DIAPH2: variants seen among roughly 807,000 people sequenced by gnomAD.
DIAPH2 encodes the protein protein diaphanous homolog 2.
DIAPH2 carries 35 observed loss-of-function variants against 92.7 expected under a neutral mutation model. The ratio of observed to expected loss-of-function variants is 0.38; its 90% CI spans 0.29 to 0.50. The LOEUF (loss-of-function observed/expected upper bound fraction) is 0.50. Ranked by LOEUF, DIAPH2 falls within the 20% of genes least tolerant of loss-of-function variation. The pLI is 0.94. For synonymous variants in DIAPH2, 301 were observed against 280.4 expected, an observed-to-expected ratio of 1.07 and a Z score of -0.73; for missense variants, 701 against 819.5, an observed-to-expected ratio of 0.86 and a Z score of 1.77.
rs187822740 is a variant in DIAPH2 at position 97,059,703 on chromosome X, G to A, written c.2051-13238G>A. 9.2e-3 allele frequency among the ~76,000 whole-genome samples: 1,026 copies of A among 112,027 alleles called. 15 individuals carry two copies. The highest frequency in any genetic ancestry group is 0.032 in the African/African-American group (973 of 30,844). On this transcript the variant is annotated intron_variant, in intron 17 of 26. Coordinates refer to ENST00000324765, the MANE Select transcript of DIAPH2 (RefSeq NM_006729.5). ...GTTGTGAAGAAAATTTTAAGACAGA[G>A]AAAATATATTTACTGTTCATTAAGT...
Position 97,110,994 on chromosome X carries a change from AC to A in DIAPH2, c.2350-3731del, listed in dbSNP as rs200831672. ...CGAGACTCCGTCTCAAAAAAAACAA[AC>A]AAAAAAAAAAAGATGCCCTATTTGA... On this transcript the variant is annotated intron_variant, in intron 20 of 26. Transcript: ENST00000324765. Among the ~76,000 whole-genome samples, 734 of 107,124 alleles carry A rather than the reference AC, an allele frequency of 6.9e-3. 4 individuals are homozygous for A. The highest frequency in any genetic ancestry group is 0.01 in the Non-Finnish European group (537 of 51,670). The allele number at this position is 107,124 out of a possible 115,157, so 93.0% of individuals were successfully genotyped here. A position where few individuals can be genotyped will look rare whatever the true frequency, so the allele number is the denominator to read the frequency against.
intron 4 of DIAPH2, among the ~76,000 whole-genome samples, chrX:96,759,105 GTGTGT>G (rs2147599524): frequency 9.0e-6 from 1 of 110,521 alleles, no homozygotes; most frequent in South Asian, 3.8e-4. Flanking sequence ...GTGATATTTT[GTGTGT>G]ATACATATGC....
intron 4 of DIAPH2, among the ~76,000 whole-genome samples, chrX:96,794,899 G>C (rs1181562439): frequency 1.8e-5 from 2 of 111,521 alleles, no homozygotes; most frequent in Non-Finnish European, 3.8e-5. Flanking sequence ...AGATTCCTTG[G>C]CTTCTGGCTG....
intron 4 of DIAPH2, 104 bp downstream of exon 4, chrX:96,758,362 C>T (rs2064245520): frequency 1.9e-6 from 1 of 524,996 alleles, no homozygotes; most frequent in Non-Finnish European, 2.9e-6. Flanking sequence ...CCTCATTGTA[C>T]TCATATAGAC....
chrX:96,918,223 G>A (rs904446830), intron 8 of DIAPH2, among the ~76,000 whole-genome samples: 1 of 110,731 alleles, frequency 9.0e-6, no homozygotes, highest in Admixed American at 9.7e-5. Flanking sequence ...TTGTATACTC[G>A]AAATTTCCTA....
intron 16 of DIAPH2, 95 bp downstream of exon 16, chrX:96,958,243 A>T: frequency 1.1e-6 from 1 of 951,300 alleles, no homozygotes; most frequent in East Asian, 3.4e-5. Context: ...ATGACTGCTG[A>T]CTCTTTCCGT....
chrX:97,045,930 T>C (rs750293324), intron 17 of DIAPH2, among the ~76,000 whole-genome samples: 31 of 102,379 alleles, frequency 3.0e-4, no homozygotes, highest in Non-Finnish European at 5.7e-4. Context: ...CTTGGCTTAC[T>C]GCAACCTCCA....
intron 23 of DIAPH2, among the ~76,000 whole-genome samples, chrX:97,304,374 C>T (rs1397815439): frequency 1.8e-5 from 2 of 111,917 alleles, no homozygotes; most frequent in Non-Finnish European, 1.9e-5. Context: ...TCACAGTGGT[C>T]GATCTTGAAT....
intron 23 of DIAPH2, among the ~76,000 whole-genome samples, chrX:97,320,442 G>A (rs747003532): frequency 3.6e-5 from 4 of 110,553 alleles, no homozygotes; most frequent in African/African-American, 6.6e-5. Context: ...GGCCAGGCGC[G>A]GTAGCTCTTG....
chrX:96,886,200 C>T (rs141968305), intron 5 of DIAPH2, among the ~76,000 whole-genome samples: 1,884 of 109,715 alleles, frequency 0.017, 38 homozygotes, highest in African/African-American at 0.059. Flanking sequence ...AATAATTGAC[C>T]ATTAACGAAA....
At chrX:96,755,534 T>G (rs930200632) in intron 3 of DIAPH2, among the ~76,000 whole-genome samples, 13 of 110,507 alleles carry the variant, frequency 1.2e-4, no homozygotes, top group African/African-American at 4.3e-4. Context: ...GCGCCTGTAG[T>G]CCCAGCTACT....
chrX:96,880,909 A>G (rs1187259836), intron 4 of DIAPH2, among the ~76,000 whole-genome samples: 1 of 111,703 alleles, frequency 9.0e-6, no homozygotes, highest in African/African-American at 3.2e-5. Flanking sequence ...AACTCCATCT[A>G]TATTGAAAGT....
At chrX:97,316,506 A>C (rs1278841910) in intron 23 of DIAPH2, among the ~76,000 whole-genome samples, 1 of 89,854 alleles carries the variant, frequency 1.1e-5, no homozygotes, top group African/African-American at 4.0e-5. Flanking sequence ...AAAAAAAAAA[A>C]CTAGCCGGGC....
chrX:97,583,742 C>T (rs1478134783), intron 26 of DIAPH2, among the ~76,000 whole-genome samples: 4 of 110,790 alleles, frequency 3.6e-5, no homozygotes, highest in Admixed American at 9.5e-5. Context: ...CCTAAGCAAG[C>T]CTGGGCAATG....
chrX:97,583,099 C>G (rs1371930767), intron 26 of DIAPH2, among the ~76,000 whole-genome samples: 7 of 111,279 alleles, frequency 6.3e-5, no homozygotes, highest in Non-Finnish European at 1.3e-4. Flanking sequence ...AAGTTTTCAA[C>G]TTCTTTGCCT....
chrX:97,471,686 G>C (rs1359172119), intron 26 of DIAPH2, among the ~76,000 whole-genome samples: 1 of 34,138 alleles, frequency 2.9e-5, no homozygotes, highest in Non-Finnish European at 5.0e-5. Context: ...GTGAAAATCC[G>C]TCTCAAAAAA....
chrX:97,198,504 A>G (rs2067722418), intron 22 of DIAPH2, among the ~76,000 whole-genome samples: 1 of 111,541 alleles, frequency 9.0e-6, no homozygotes, highest in Non-Finnish European at 1.9e-5. Context: ...ATATATAGGC[A>G]CAAATGTATT....
At chrX:97,215,662 G>C (rs1375210725) in intron 22 of DIAPH2, among the ~76,000 whole-genome samples, 1 of 111,620 alleles carries the variant, frequency 9.0e-6, no homozygotes, top group African/African-American at 3.3e-5. Flanking sequence ...ATTAAAGTCT[G>C]TTAGAGAAAT....
At chrX:96,948,359 A>G (rs1478634892) in intron 14 of DIAPH2, among the ~76,000 whole-genome samples, 1 of 111,766 alleles carries the variant, frequency 8.9e-6, no homozygotes, top group Non-Finnish European at 1.9e-5. Flanking sequence ...GGATCTCCAG[A>G]GGTCAGGAGT....
Sources: gnomAD v4.1 joint callset for allele counts (sites outside exome capture counted in the v4.1 genomes callset) on GRCh38, gnomAD v4.1.1 for gene constraint, MANE v1.5 for transcripts, NCBI Gene and HGNC (gene_info 2026-07-23, HGNC 2026-07-21) for gene names.